The following STK32B variants were observed in gnomAD, a reference collection of about 807,000 sequenced individuals.
STK32B encodes serine/threonine kinase 32B.
Under a neutral mutation model 52.6 loss-of-function variants are expected in STK32B, and 43 were observed. That is an observed-to-expected ratio of 0.82 (90% CI 0.64 to 1.05). STK32B has a LOEUF of 1.05. Ranked by LOEUF, STK32B falls within the 50% of genes least tolerant of loss-of-function variation. The pLI is 0.00. For missense variants in STK32B, 621 were observed against 534.6 expected (o/e 1.16, Z -1.59); for synonymous variants, 238 against 204.3 (o/e 1.17, Z -1.41).
At chr4:5,222,143 C>T (rs1027463174) in intron 3 of STK32B, among the ~76,000 whole-genome samples, 2 of 152,158 alleles carry the variant, frequency 1.3e-5, no homozygotes, top group Admixed American at 1.3e-4. Context: ...ACTTCACAGC[C>T]TCCAGAACTG....
At chr4:5,165,584 C>A (rs959661621) in intron 2 of STK32B, among the ~76,000 whole-genome samples, 1 of 152,054 alleles carries the variant, frequency 6.6e-6, no homozygotes, top group Non-Finnish European at 1.5e-5. Flanking sequence ...TCTGAGAAGG[C>A]GAATGAGAAG....
chr4:5,410,110 T>C (rs981239431), intron 5 of STK32B, among the ~76,000 whole-genome samples: 45 of 152,142 alleles, frequency 3.0e-4, no homozygotes, highest in African/African-American at 9.9e-4. Context: ...GATCCTGTGT[T>C]GAACAGTGGC....
chr4:5,335,751 A>C (rs1262555138), intron 4 of STK32B, among the ~76,000 whole-genome samples: 1 of 152,076 alleles, frequency 6.6e-6, no homozygotes, highest in Non-Finnish European at 1.5e-5. Context: ...GTAGTCTTTC[A>C]GGAGCAGGTT....
At chr4:5,349,786 A>G (rs902320038) in intron 4 of STK32B, among the ~76,000 whole-genome samples, 1 of 152,174 alleles carries the variant, frequency 6.6e-6, no homozygotes, top group Non-Finnish European at 1.5e-5. Context: ...AAAGAAATAG[A>G]TATAAAAAAC....
intron 1 of STK32B, among the ~76,000 whole-genome samples, chr4:5,092,664 A>C (rs1713157864): frequency 6.6e-6 from 1 of 152,152 alleles, no homozygotes; most frequent in African/African-American, 2.4e-5. Flanking sequence ...AGTCCGTCTC[A>C]TCTGGCAGGA....
intron 3 of STK32B, among the ~76,000 whole-genome samples, chr4:5,315,956 C>A (rs183172024): frequency 4.7e-4 from 71 of 150,452 alleles, no homozygotes; most frequent in Middle Eastern, 3.4e-3. Flanking sequence ...CTGCCTGCCT[C>A]GGCCTCCCAA....
At chr4:5,344,286 A>T (rs1733301559) in intron 4 of STK32B, among the ~76,000 whole-genome samples, 1 of 152,298 alleles carries the variant, frequency 6.6e-6, no homozygotes, top group East Asian at 1.9e-4. Flanking sequence ...TTTGATTAAA[A>T]TTTTTACCAG....
intron 3 of STK32B, among the ~76,000 whole-genome samples, chr4:5,196,250 G>GGCTC (rs1413813100): frequency 6.6e-6 from 1 of 151,966 alleles, no homozygotes; most frequent in African/African-American, 2.4e-5. Flanking sequence ...TGAATGCTGA[G>GGCTC]GGCCTGCGTG....
At chr4:5,151,033 G>T (rs925159260) in intron 2 of STK32B, among the ~76,000 whole-genome samples, 3 of 152,030 alleles carry the variant, frequency 2.0e-5, no homozygotes, top group Non-Finnish European at 2.9e-5. Context: ...TTAGTGTGTG[G>T]CCTCAAGATT....
chr4:5,331,280 C>A lies in STK32B; in HGVS notation c.321C>A (p.Asp107Glu), dbSNP rs1440862465. ...FMVVDLLLGGDLRYHLQQNVH... is the reference protein window; with the variant it reads ...FMVVDLLLGGELRYHLQQNVH... ...TGGTGGACCTGCTCCTGGGAGGCGA[C>A]CTGCGCTACCATCTGCAGCAGAATG... The change falls in exon 4 of 12, where the codon GAC (aspartate) becomes GAA (glutamate). Residue 107 changes from aspartate to glutamate, a missense_variant. Coordinates refer to ENST00000282908, the MANE Select transcript of STK32B (RefSeq NM_018401.3). The A allele has an allele frequency of 6.2e-7, 1 of 1,613,960 alleles. No individual in the cohort carries two copies. Among genetic ancestry groups the A allele is most frequent in the Non-Finnish European group, 8.5e-7 (1 of 1,179,916 alleles).
chr4:5,084,151 C>G (rs1014629543), intron 1 of STK32B, among the ~76,000 whole-genome samples: 1 of 152,196 alleles, frequency 6.6e-6, no homozygotes, highest in African/African-American at 2.4e-5. Context: ...TTGGATAGCT[C>G]ATATTTTAGA....
chr4:5,092,342 G>A (rs1441844582), intron 1 of STK32B, among the ~76,000 whole-genome samples: 3 of 152,124 alleles, frequency 2.0e-5, no homozygotes, highest in Admixed American at 1.3e-4. Context: ...GACCAGCCTG[G>A]GCAACATGGT....
At chr4:5,085,084 C>A (rs1474281353) in intron 1 of STK32B, among the ~76,000 whole-genome samples, 1 of 152,150 alleles carries the variant, frequency 6.6e-6, no homozygotes, top group African/African-American at 2.4e-5. Flanking sequence ...ACAAATGTTT[C>A]TGTGGTCAAA....
chr4:5,131,107 T>G (rs1349241238), intron 1 of STK32B, among the ~76,000 whole-genome samples: 1 of 152,178 alleles, frequency 6.6e-6, no homozygotes, highest in African/African-American at 2.4e-5. Context: ...CCATCACATC[T>G]GAAGTCCTCT....
chr4:5,437,647 CACT>C (rs1714210141), intron 6 of STK32B, among the ~76,000 whole-genome samples: 1 of 152,192 alleles, frequency 6.6e-6, no homozygotes, highest in Non-Finnish European at 1.5e-5. Context: ...TGATTCGGCC[CACT>C]ACATCTCCAA....
chr4:5,494,961 G>A (rs1299058775), intron 11 of STK32B, among the ~76,000 whole-genome samples: 1 of 152,150 alleles, frequency 6.6e-6, no homozygotes, highest in Non-Finnish European at 1.5e-5. Context: ...AGTCTGATGG[G>A]CTTCCCTTTG....
At chr4:5,268,960 A>G (rs1188691422) in intron 3 of STK32B, among the ~76,000 whole-genome samples, 2 of 152,072 alleles carry the variant, frequency 1.3e-5, no homozygotes, top group Non-Finnish European at 2.9e-5. Context: ...GAGCTTTAGG[A>G]TACCCCACAT....
chr4:5,273,055 AC>A (rs1427253814), intron 3 of STK32B, among the ~76,000 whole-genome samples: 1 of 138,262 alleles, frequency 7.2e-6, no homozygotes, highest in African/African-American at 2.8e-5. Flanking sequence ...TGAACAGGCA[AC>A]CTACAAAATG....
chr4:5,467,447 C>T lies in STK32B; in HGVS notation c.1042-559C>T, dbSNP rs932008605. On this transcript the variant is annotated intron_variant, in intron 10 of 11. Transcript: ENST00000282908. The surrounding 1 kb of genome is among the most constrained non-coding windows in gnomAD (Gnocchi z 5.8). Reference sequence around the variant, plus strand: ...TGCATGGCCTTATTCTCTGTGTCTTCGCATGTCTTCATATGGCCTTCATAT... The same window carrying T: ...TGCATGGCCTTATTCTCTGTGTCTTTGCATGTCTTCATATGGCCTTCATAT... Among the ~76,000 whole-genome samples, 5 of 152,146 alleles carry T rather than the reference C, an allele frequency of 3.3e-5. No homozygotes were observed. The highest frequency in any genetic ancestry group is 1.2e-4 in the African/African-American group (5 of 41,442).
Sources: allele counts gnomAD v4.1 joint callset (sites outside exome capture counted in the v4.1 genomes callset), GRCh38; gene constraint gnomAD v4.1.1; non-coding constraint Gnocchi (gnomAD v3.1); transcripts MANE v1.5; gene names NCBI Gene and HGNC (gene_info 2026-07-23, HGNC 2026-07-21).